Variants in ARSB observed in about 807,000 individuals in gnomAD.
The protein encoded by ARSB is N-acetylgalactosamine-4-sulfatase.
ARSB carries 41 observed loss-of-function variants against 50.9 expected under a neutral mutation model. That is an observed-to-expected ratio of 0.81 (90% CI 0.63 to 1.04). The LOEUF (loss-of-function observed/expected upper bound fraction) is 1.04. ARSB is among the 50% of genes least tolerant of loss of function. The pLI is 0.00. For missense variants in ARSB, 672 were observed against 693.3 expected (o/e 0.97, Z 0.35); for synonymous variants, 269 against 284.8 (o/e 0.94, Z 0.56).
At chr5:78,852,425 T>A (rs1469177163) in intron 5 of ARSB, among the ~76,000 whole-genome samples, 2 of 152,206 alleles carry the variant, frequency 1.3e-5, no homozygotes, top group African/African-American at 4.8e-5. Flanking sequence ...CCAAGAGATC[T>A]GCTGTTAGTC....
chr5:78,938,032 G>A (rs1420304998), intron 4 of ARSB, among the ~76,000 whole-genome samples: 2 of 152,166 alleles, frequency 1.3e-5, no homozygotes, highest in African/African-American at 4.8e-5. Context: ...GTGAGATGGA[G>A]GTAAACAACC....
chr5:78,885,806 G>A lies in ARSB; in HGVS notation c.920C>T (p.Ala307Val). ...TCGAAGGGGCCAGTTATTACCCCCT[G>A]CCAAAGTCTGCCCTCCGTTATCTGA... ...FSTDNGGQTL[A>V]GGNNWPLRGR... Residue 307 changes from alanine to valine, a missense_variant, in exon 5 of 8, where the codon GCA (alanine) becomes GTA (valine). By Grantham distance (64) the Ala-to-Val change is moderately conservative (BLOSUM62 0). Coordinates refer to ENST00000264914, the MANE Select transcript of ARSB (RefSeq NM_000046.5). 6.2e-7 allele frequency: 1 copy of A among 1,614,148 alleles called. No individual in the cohort carries two copies. The highest frequency in any genetic ancestry group is 8.5e-7 in the Non-Finnish European group (1 of 1,180,036).
Position 78,815,653 on chromosome 5 carries a change from C to T in ARSB, c.1213+23703G>A. ...TGCTATTAGGTAATAAGAAAAGTTC[C>T]AAACATTATTCACTGGGATGCTCAA... On this transcript the variant is annotated intron_variant, in intron 6 of 7. Transcript: ENST00000264914. 7.0e-6 allele frequency: 7 copies of T among 1,003,908 alleles called. 1 individual carries two copies. Among genetic ancestry groups the T allele is most frequent in the Non-Finnish European group, 8.3e-6 (7 of 840,626 alleles). The allele number at this position is 1,003,908 out of a possible 1,614,324, so 62.2% of individuals were successfully genotyped here. A position where few individuals can be genotyped will look rare whatever the true frequency, so the allele number is the denominator to read the frequency against.
intron 1 of ARSB, among the ~76,000 whole-genome samples, chr5:78,973,181 C>T (rs1725842199): frequency 6.6e-6 from 1 of 152,192 alleles, no homozygotes; most frequent in African/African-American, 2.4e-5. Context: ...CCCTGATAAA[C>T]ACAACAGAAT....
chr5:78,829,374 T>C (rs889005968), intron 6 of ARSB, among the ~76,000 whole-genome samples: 1 of 152,270 alleles, frequency 6.6e-6, no homozygotes, highest in African/African-American at 2.4e-5. Flanking sequence ...TGGACAAATT[T>C]AAAGATATCC....
At chr5:78,903,148 AGG>A (rs1383088646) in intron 4 of ARSB, among the ~76,000 whole-genome samples, 3 of 152,192 alleles carry the variant, frequency 2.0e-5, no homozygotes, top group Admixed American at 2.0e-4. Flanking sequence ...GTAACTTCAG[AGG>A]GGGAATAAGC....
chr5:78,964,688 T>C, intron 2 of ARSB, 82 bp from the exon 3 acceptor site: 2 of 1,272,944 alleles, frequency 1.6e-6, no homozygotes, highest in South Asian at 2.5e-5. Flanking sequence ...AATTGCCTAA[T>C]GCAATTGATT....
chr5:78,877,176 C>T (rs1213741456), intron 5 of ARSB, among the ~76,000 whole-genome samples: 2 of 152,096 alleles, frequency 1.3e-5, no homozygotes, highest in Non-Finnish European at 2.9e-5. Context: ...GAACAGTACC[C>T]GTTCCCATCA....
At chr5:78,979,546 G>A (rs1429196160) in intron 1 of ARSB, among the ~76,000 whole-genome samples, 2 of 152,218 alleles carry the variant, frequency 1.3e-5, no homozygotes, top group Admixed American at 6.5e-5. Context: ...CGGAGGTGGC[G>A]CCTGGCCTCT....
intron 6 of ARSB, among the ~76,000 whole-genome samples, chr5:78,827,042 C>T (rs1375508168): frequency 2.6e-5 from 4 of 152,086 alleles, no homozygotes; most frequent in Admixed American, 1.3e-4. Context: ...GAACAGAGTC[C>T]AGATAGTGAC....
chr5:78,781,982 G>T lies in ARSB; in HGVS notation c.1214-8C>A, dbSNP rs766561160. The T allele has an allele frequency of 5.0e-6, 8 of 1,614,050 alleles. No homozygotes were observed. The South Asian group carries it at 8.8e-5, about 18-fold the overall frequency. On this transcript the variant is annotated splice_polypyrimidine_tract_variant and splice_region_variant and intron_variant, in intron 6 of 7. Transcript: ENST00000264914. ...CCATGCTGTTCCTGGGACCTGGGAAGAAATAGTTTGAAAGAATTAGATCAC... is the reference window on the plus strand; with the variant it reads ...CCATGCTGTTCCTGGGACCTGGGAATAAATAGTTTGAAAGAATTAGATCAC...
At chr5:78,832,161 C>T (rs1021215433) in intron 6 of ARSB, among the ~76,000 whole-genome samples, 19 of 152,092 alleles carry the variant, frequency 1.2e-4, no homozygotes, top group Admixed American at 1.3e-4. Flanking sequence ...ACTCAAGGGA[C>T]TCAAGTTCAA....
chr5:78,865,236 T>A (rs6862636), intron 5 of ARSB, among the ~76,000 whole-genome samples: 1 of 152,194 alleles, frequency 6.6e-6, no homozygotes. Context: ...ACACATCTTC[T>A]GAAATATAGG....
chr5:78,909,723 T>C (rs1319114393), intron 4 of ARSB, among the ~76,000 whole-genome samples: 3 of 152,164 alleles, frequency 2.0e-5, no homozygotes, highest in African/African-American at 4.8e-5. Context: ...CCCCATGTGA[T>C]AGTCTGAAAT....
At position 78,792,126 on chromosome 5, in the gene ARSB, C is replaced by A. The variant is rs1258982254; in HGVS notation, c.1214-10152G>T. On this transcript the variant is annotated intron_variant, in intron 6 of 7. Coordinates refer to ENST00000264914, the MANE Select transcript of ARSB (RefSeq NM_000046.5). Reference sequence around the variant, plus strand: ...AGGCATGGTGGCTCACGCCTGTAATCCCAGCACTTTGGGAGGCTGAGGCGG... The same window carrying A: ...AGGCATGGTGGCTCACGCCTGTAATACCAGCACTTTGGGAGGCTGAGGCGG... Among the ~76,000 whole-genome samples the A allele has an allele frequency of 2.6e-5, 4 of 152,254 alleles. No homozygotes were observed. The East Asian group carries it at 7.7e-4, about 29-fold the overall frequency.
At chr5:78,801,361 A>G (rs1486102363) in intron 6 of ARSB, among the ~76,000 whole-genome samples, 1 of 152,210 alleles carries the variant, frequency 6.6e-6, no homozygotes, top group Non-Finnish European at 1.5e-5. Context: ...GTACTGAACC[A>G]GTCCAGGGTT....
rs189873481 is a variant in ARSB, at chr5:78,879,065, G to A, written c.1142+6519C>T. On this transcript the variant is annotated intron_variant, in intron 5 of 7. Transcript: ENST00000264914. ...GACAGGGTTTCGCTATGTTGCCCAGGCTGGTCTCGAACTCCTGGGCTCAAG... is the reference window on the plus strand; with the variant it reads ...GACAGGGTTTCGCTATGTTGCCCAGACTGGTCTCGAACTCCTGGGCTCAAG... 2.1e-3 allele frequency among the ~76,000 whole-genome samples: 327 copies of A among 152,186 alleles called. 3 individuals carry two copies. The highest frequency in any genetic ancestry group is 7.5e-3 in the African/African-American group (312 of 41,514).
At chr5:78,828,974 G>A (rs897738548) in intron 6 of ARSB, among the ~76,000 whole-genome samples, 1 of 152,226 alleles carries the variant, frequency 6.6e-6, no homozygotes, top group Non-Finnish European at 1.5e-5. Context: ...TGGAAGCCAG[G>A]TTCAAAGAAT....
intron 4 of ARSB, among the ~76,000 whole-genome samples, chr5:78,910,333 C>A (rs1390142547): frequency 2.6e-5 from 4 of 152,196 alleles, no homozygotes; most frequent in Admixed American, 2.6e-4. Flanking sequence ...ATGAGAAATA[C>A]CCACAGGTGT....
Sources: gnomAD v4.1 joint callset for allele counts (sites outside exome capture counted in the v4.1 genomes callset) on GRCh38, gnomAD v4.1.1 for gene constraint, MANE v1.5 for transcripts, NCBI Gene and HGNC (gene_info 2026-07-23, HGNC 2026-07-21) for gene names.